PARP15: variants seen among roughly 807,000 people sequenced by gnomAD.
The protein encoded by PARP15 is poly(ADP-ribose) polymerase family member 15, also known as protein mono-ADP-ribosyltransferase PARP15.
In PARP15, 50 loss-of-function variants were observed where a neutral mutation model predicts 62.1. The observed-to-expected ratio is 0.81, with a 90% confidence interval of 0.64 to 1.02. The LOEUF is 1.02. PARP15 is among the 50% of genes least tolerant of loss of function. The pLI is 0.00. For missense variants in PARP15, 820 were observed against 826.5 expected, an observed-to-expected ratio of 0.99 and a Z score of 0.10; for synonymous variants, 309 against 293.1, an observed-to-expected ratio of 1.05 and a Z score of -0.55.
At chr3:122,593,556 T>TA (rs1378093233) in intron 1 of PARP15, among the ~76,000 whole-genome samples, 2 of 152,238 alleles carry the variant, frequency 1.3e-5, no homozygotes, top group Non-Finnish European at 2.9e-5. Context: ...ATCCTATTAA[T>TA]AACTTAATAT....
intron 1 of PARP15, 99 bp downstream of exon 1, chr3:122,577,952 A>G: frequency 7.7e-7 from 1 of 1,302,698 alleles, no homozygotes; most frequent in Non-Finnish European, 1.0e-6. Flanking sequence ...ACCCCACGCC[A>G]CGCACAACCC....
chr3:122,619,847 T>C lies in PARP15; in HGVS notation c.1063+4T>C, dbSNP rs1413267485. On this transcript the variant is annotated splice_donor_region_variant and intron_variant, in intron 7 of 11. Transcript: ENST00000464300. ...GAAAGTGAATGTGCTGTACTAGGTA[T>C]GGGCACATGTTACTTTTGACTACAA... is the stretch of plus-strand genomic sequence containing the variant. 2 of 1,610,692 alleles carry C rather than the reference T, an allele frequency of 1.2e-6. No homozygotes were observed. Among genetic ancestry groups the C allele is most frequent in the Non-Finnish European group, 1.7e-6 (2 of 1,176,860 alleles).
At chr3:122,634,513 T>C (rs1259969660) in intron 10 of PARP15, among the ~76,000 whole-genome samples, 1 of 152,220 alleles carries the variant, frequency 6.6e-6, no homozygotes, top group African/African-American at 2.4e-5. Flanking sequence ...TTTGAAATGC[T>C]ATTCAGAGGT....
chr3:122,586,962 C>T (rs774245387), intron 1 of PARP15, among the ~76,000 whole-genome samples: 1 of 152,190 alleles, frequency 6.6e-6, no homozygotes, highest in Non-Finnish European at 1.5e-5. Flanking sequence ...ATTCATCCTC[C>T]CTCTTGGCAA....
intron 1 of PARP15, among the ~76,000 whole-genome samples, chr3:122,593,053 C>T (rs1934046647): frequency 6.6e-6 from 1 of 150,812 alleles, no homozygotes; most frequent in African/African-American, 2.4e-5. Flanking sequence ...TCACCTTGAA[C>T]ATATATATAT....
chr3:122,582,724 T>C (rs903920412), intron 1 of PARP15, among the ~76,000 whole-genome samples: 1 of 152,214 alleles, frequency 6.6e-6, no homozygotes, highest in Admixed American at 6.5e-5. Context: ...TGAATTTTTT[T>C]GGCTATAATT....
intron 9 of PARP15, 89 bp from the exon 10 acceptor site, chr3:122,631,997 T>A: frequency 6.9e-7 from 1 of 1,452,190 alleles, no homozygotes; most frequent in Non-Finnish European, 9.6e-7. Flanking sequence ...CAGGTTTGGA[T>A]GACGAGAGAC....
chr3:122,620,472 T>A (rs1279723884), intron 7 of PARP15, among the ~76,000 whole-genome samples: 1 of 152,186 alleles, frequency 6.6e-6, no homozygotes, highest in African/African-American at 2.4e-5. Context: ...TAGAGCACCA[T>A]GTTTGACAAT....
chr3:122,595,184 G>A (rs1465794595), intron 1 of PARP15, among the ~76,000 whole-genome samples: 4 of 151,600 alleles, frequency 2.6e-5, no homozygotes, highest in African/African-American at 7.3e-5. Context: ...TTTTTTCGCA[G>A]TAACAAAACA....
intron 2 of PARP15, among the ~76,000 whole-genome samples, chr3:122,607,248 T>C (rs773007404): frequency 1.3e-5 from 2 of 152,228 alleles, no homozygotes; most frequent in African/African-American, 2.4e-5. Flanking sequence ...GTGAGTGATA[T>C]AACCAGAAGA....
At chr3:122,594,146 A>G (rs541419043) in intron 1 of PARP15, among the ~76,000 whole-genome samples, 6 of 152,302 alleles carry the variant, frequency 3.9e-5, no homozygotes, top group East Asian at 3.9e-4. Flanking sequence ...CTTAACTGCT[A>G]TGTACATCCC....
chr3:122,626,972 C>T lies in PARP15; in HGVS notation c.1377C>T (p.Ser459=), dbSNP rs1357452610. The T allele has an allele frequency of 6.2e-7, 1 of 1,613,114 alleles. No homozygotes were observed. The highest frequency in any genetic ancestry group is 1.3e-5 in the African/African-American group (1 of 74,814). Residue 459 remains serine (S), a synonymous_variant, in exon 9 of 12, where the codon AGC becomes AGT. Coordinates refer to ENST00000464300, the MANE Select transcript of PARP15 (RefSeq NM_001113523.3). ...AGCTGCTAAATATATTCTACGACAG[C>T]ATGAAAAAAAGAGACCTCTCTGCAT... The part of the protein sequence containing the change: ...QPELLNIFYD[S]MKKRDLSASL...
chr3:122,596,985 T>G (rs1291163592), intron 1 of PARP15, among the ~76,000 whole-genome samples: 2 of 152,214 alleles, frequency 1.3e-5, no homozygotes, highest in Non-Finnish European at 2.9e-5. Flanking sequence ...AGTGGTGTCT[T>G]AGTCTGTTCA....
At chr3:122,633,800 C>A (rs1427801323) in intron 10 of PARP15, among the ~76,000 whole-genome samples, 1 of 152,156 alleles carries the variant, frequency 6.6e-6, no homozygotes, top group Admixed American at 6.5e-5. Context: ...AGTGCAAGAA[C>A]CTCATTTCAA....
chr3:122,599,930 A>G (rs1349505792), intron 1 of PARP15, among the ~76,000 whole-genome samples: 2 of 152,244 alleles, frequency 1.3e-5, no homozygotes, highest in East Asian at 3.8e-4. Flanking sequence ...GATTAAATTA[A>G]GTGAGATAAT....
chr3:122,579,273 A>G (rs1500532), intron 1 of PARP15, among the ~76,000 whole-genome samples: 56,458 of 151,978 alleles, frequency 0.37, 10,919 homozygotes, highest in Admixed American at 0.46. Flanking sequence ...AATATTATAT[A>G]TGAGGTTTAC....
rs765831767 is a variant in PARP15 at position 122,636,011 on chromosome 3, G to A, written c.1948G>A (p.Val650Met). ...CAATCCCACAGATCTCTTTGACTCA[G>A]TGACAAACAATACACGATCTCCAAA... ...PHNPTDLFDS[V>M]TNNTRSPKLF... The change falls in exon 12 of 12, where the codon GTG becomes ATG. Residue 650 changes from valine (V) to methionine (M), a missense_variant. Physicochemically the swap from Val to Met is conservative, Grantham distance 21. This residue lies in a region of PARP15 where 84 missense variants were observed against 79.7 expected (regional missense o/e 1.05). Transcript: ENST00000464300. The A allele has an allele frequency of 6.2e-7, 1 of 1,614,064 alleles. No homozygotes were observed. The highest frequency in any genetic ancestry group is 8.5e-7 in the Non-Finnish European group (1 of 1,179,992).
chr3:122,629,602 T>C (rs1401421869), intron 9 of PARP15, among the ~76,000 whole-genome samples: 1 of 152,196 alleles, frequency 6.6e-6, no homozygotes, highest in African/African-American at 2.4e-5. Flanking sequence ...AGGGGGTGGT[T>C]TCAGGATGGT....
At chr3:122,600,314 A>G (rs1413146478) in intron 1 of PARP15, among the ~76,000 whole-genome samples, 1 of 152,070 alleles carries the variant, frequency 6.6e-6, no homozygotes, top group East Asian at 1.9e-4. Context: ...GTGATGGTCT[A>G]TCTTCTGCTT....
Sources: allele counts gnomAD v4.1 joint callset (sites outside exome capture counted in the v4.1 genomes callset), GRCh38; gene constraint gnomAD v4.1.1; regional missense constraint gnomAD v4.1.1; transcripts MANE v1.5; gene names NCBI Gene and HGNC (gene_info 2026-07-23, HGNC 2026-07-21).